The following LYST variants were observed in gnomAD, a reference collection of about 807,000 sequenced individuals.
LYST encodes lysosomal-trafficking regulator.
Under a neutral mutation model 413.6 loss-of-function variants are expected in LYST, and 192 were observed. The observed-to-expected ratio is 0.46, with a 90% CI of 0.41 to 0.52. The LOEUF is 0.52. Among genes scored for constraint, LYST ranks in the 20% least tolerant of loss-of-function variants. The probability of loss-of-function intolerance (pLI) is 0.00; values close to 1 mark genes in which losing one functional copy is unlikely to be tolerated. For synonymous variants in LYST, 1,525 were observed against 1,567.3 expected, an observed-to-expected ratio of 0.97 and a Z score of 0.64; for missense variants, 3,815 against 4,499.9, an observed-to-expected ratio of 0.85 and a Z score of 4.35.
At position 235,781,894 on chromosome 1, in the gene LYST, T is replaced by C. The variant is rs886895595; in HGVS notation, c.5023+33A>G. The stretch of plus-strand genomic sequence containing the variant: ...AAAAATCTCACTCTGTCGCCCAGGC[T>C]GAAGTGCAGTGGTGCAATCATAGCT... On this transcript the variant is annotated intron_variant, in intron 15 of 52. Coordinates refer to ENST00000389793, the MANE Select transcript of LYST (RefSeq NM_000081.4). 6 of 1,416,496 alleles carry C rather than the reference T, an allele frequency of 4.2e-6. No homozygotes were observed. In the South Asian group the frequency reaches 5.7e-5, roughly 14 times the overall value. 87.7% of individuals were successfully genotyped at this position (1,416,496 alleles called of 1,614,324 possible).
chr1:235,857,772 C>CAT (rs1558351072), intron 1 of LYST, among the ~76,000 whole-genome samples: 1 of 140,704 alleles, frequency 7.1e-6, no homozygotes, highest in African/African-American at 2.8e-5. Flanking sequence ...CACACACACA[C>CAT]ACACACACAC....
intron 7 of LYST, among the ~76,000 whole-genome samples, 175 bp from the exon 8 acceptor site, chr1:235,803,239 C>T (rs1471677610): frequency 6.6e-6 from 1 of 152,010 alleles, no homozygotes; most frequent in Non-Finnish European, 1.5e-5. Flanking sequence ...TTCCCAGATC[C>T]TTTCAGACAA....
At chr1:235,859,263 C>A (rs1679582476) in intron 1 of LYST, among the ~76,000 whole-genome samples, 1 of 152,066 alleles carries the variant, frequency 6.6e-6, no homozygotes, top group South Asian at 2.1e-4. Flanking sequence ...GATCAATTAT[C>A]TTCTACCTCT....
chr1:235,766,023 G>A (rs1360014594), intron 21 of LYST, 56 bp downstream of exon 21: 2 of 1,260,854 alleles, frequency 1.6e-6, no homozygotes, highest in African/African-American at 2.9e-5. Context: ...AATCAAGTGG[G>A]AAGAATAAAA....
At chr1:235,870,367 C>T (rs1204850683), upstream of LYST, among the ~76,000 whole-genome samples, 2 of 152,204 alleles carry the variant, frequency 1.3e-5, no homozygotes, top group African/African-American at 4.8e-5. Flanking sequence ...ACTGTTTGAA[C>T]TGTGTTCTAA....
At chr1:235,753,845 A>C (rs551515121) in intron 25 of LYST, among the ~76,000 whole-genome samples, 61 of 152,296 alleles carry the variant, frequency 4.0e-4, no homozygotes, top group African/African-American at 1.4e-3. Flanking sequence ...TGTTTCGTGA[A>C]AGCCAAAAGT....
chr1:235,865,635 T>A (rs541073048), intron 1 of LYST, among the ~76,000 whole-genome samples: 3 of 152,308 alleles, frequency 2.0e-5, no homozygotes, highest in African/African-American at 7.2e-5. Flanking sequence ...CAAAGAGCTA[T>A]CAGAAAAAGA....
At chr1:235,872,823 G>A (rs1324126234) in intron 1 of LYST, among the ~76,000 whole-genome samples, 2 of 152,182 alleles carry the variant, frequency 1.3e-5, no homozygotes, top group Non-Finnish European at 2.9e-5. Flanking sequence ...GGCTTAGGCA[G>A]GAGAATCGCT....
At chr1:235,830,149 T>G in intron 3 of LYST, 77 bp downstream of exon 3, 1 of 1,127,016 alleles carries the variant, frequency 8.9e-7, no homozygotes, top group Non-Finnish European at 1.3e-6. Flanking sequence ...CTTCAGAAAC[T>G]ATGTAATCCA....
intron 19 of LYST, among the ~76,000 whole-genome samples, chr1:235,770,983 A>C (rs1326089854): frequency 2.0e-5 from 3 of 152,208 alleles, no homozygotes; most frequent in Non-Finnish European, 2.9e-5. Flanking sequence ...TATTATCCTA[A>C]TTGACCTTTC....
chr1:235,716,702 C>T lies in LYST; in HGVS notation c.9627+10G>A. The T allele has an allele frequency of 1.3e-5, 20 of 1,557,326 alleles. No homozygotes were observed. The highest frequency in any genetic ancestry group is 1.7e-5 in the Non-Finnish European group (19 of 1,130,528). ...TCATTTAATAAAGTACGAGTAAAAACAAAAGCTACCTTGTATGTGTCCACA... is the reference window on the plus strand; with the variant it reads ...TCATTTAATAAAGTACGAGTAAAAATAAAAGCTACCTTGTATGTGTCCACA... On this transcript the variant is annotated intron_variant, in intron 41 of 52. Transcript: ENST00000389793.
intron 3 of LYST, among the ~76,000 whole-genome samples, chr1:235,821,799 G>A (rs1415593212): frequency 3.3e-5 from 5 of 152,354 alleles, no homozygotes; most frequent in East Asian, 3.9e-4. Flanking sequence ...CCTGTAGGCC[G>A]TAGTTTGCTC....
intron 1 of LYST, among the ~76,000 whole-genome samples, chr1:235,844,841 A>G (rs569306287): frequency 6.4e-4 from 97 of 152,336 alleles, no homozygotes; most frequent in African/African-American, 2.3e-3. Flanking sequence ...AAAACATATC[A>G]GTTGAACTGT....
chr1:235,677,734 C>T, intron 48 of LYST, 115 bp from the exon 49 acceptor site: 1 of 776,698 alleles, frequency 1.3e-6, no homozygotes, highest in Non-Finnish European at 2.2e-6. Flanking sequence ...ACATATCATT[C>T]TTCAATCCTA....
chr1:235,857,784 C>CACACACACACATATAT (rs145820873), intron 1 of LYST, among the ~76,000 whole-genome samples: 1 of 122,044 alleles, frequency 8.2e-6, no homozygotes, highest in African/African-American at 3.2e-5. Context: ...CACACACACA[C>CACACACACACATATAT]ATATATATAT....
At chr1:235,778,477 CAATT>C (rs1373091964) in intron 16 of LYST, among the ~76,000 whole-genome samples, 1 of 151,966 alleles carries the variant, frequency 6.6e-6, no homozygotes, top group African/African-American at 2.4e-5. Flanking sequence ...CGGGTTCAAG[CAATT>C]CTCCTGCTTC....
At chr1:235,811,915 T>C (rs1406193236) in intron 4 of LYST, among the ~76,000 whole-genome samples, 4 of 151,902 alleles carry the variant, frequency 2.6e-5, no homozygotes, top group Non-Finnish European at 5.9e-5. Flanking sequence ...AATCAATAAA[T>C]AAGCAGAAAA....
intron 45 of LYST, 63 bp downstream of exon 45, chr1:235,702,684 T>C: frequency 7.5e-7 from 1 of 1,325,490 alleles, no homozygotes; most frequent in African/African-American, 1.6e-5. Context: ...CCTGGGAGAG[T>C]GCCTGGCATC....
At chr1:235,738,515 C>T in intron 31 of LYST, 1 of 1,612,064 alleles carries the variant, frequency 6.2e-7, no homozygotes, top group Non-Finnish European at 8.5e-7. Context: ...AATTCCGTTA[C>T]CCAATGGGGG....
Sources: gnomAD v4.1 joint callset for allele counts (sites outside exome capture counted in the v4.1 genomes callset) on GRCh38, gnomAD v4.1.1 for gene constraint, MANE v1.5 for transcripts, NCBI Gene and HGNC (gene_info 2026-07-23, HGNC 2026-07-21) for gene names.